The following KCNN1 variants were observed in gnomAD, a reference collection of about 807,000 sequenced individuals.
The protein encoded by KCNN1 is potassium calcium-activated channel subfamily N member 1.
In KCNN1, 20 loss-of-function variants were observed where a neutral mutation model predicts 44.7. The ratio of observed to expected loss-of-function variants is 0.45; its 90% CI spans 0.32 to 0.65. The LOEUF is 0.65. KCNN1 is among the 30% of genes least tolerant of loss of function. The pLI is 0.05. For missense variants in KCNN1, 632 were observed against 785.3 expected (o/e 0.80, Z 2.33); for synonymous variants, 324 against 341.7 (o/e 0.95, Z 0.57).
chr19:17,978,940 G>T (rs1311301692), intron 3 of KCNN1, among the ~76,000 whole-genome samples: 1 of 151,626 alleles, frequency 6.6e-6, no homozygotes, highest in Non-Finnish European at 1.5e-5. Flanking sequence ...CACATCTGTA[G>T]TTCCAGCTAC....
chr19:17,965,967 T>G (rs2145910587), upstream of KCNN1, among the ~76,000 whole-genome samples: 1 of 152,164 alleles, frequency 6.6e-6, no homozygotes, highest in South Asian at 2.1e-4. Flanking sequence ...ACCGCCACCC[T>G]CAGCCCATGC....
intron 1 of KCNN1, among the ~76,000 whole-genome samples, chr19:17,951,629 G>A (rs983835977): frequency 7.2e-5 from 11 of 152,080 alleles, no homozygotes; most frequent in Non-Finnish European, 2.9e-5. Context: ...CGCGCAGGTT[G>A]GGGGGAGGGT....
upstream of KCNN1, among the ~76,000 whole-genome samples, chr19:17,963,727 T>C (rs1273761386): frequency 1.0e-5 from 1 of 95,500 alleles, no homozygotes; most frequent in Non-Finnish European, 2.3e-5. Context: ...TTCTGATACT[T>C]TTTTTTTTTT....
intron 4 of KCNN1, chr19:17,982,483 GGAT>G: frequency 1.1e-6 from 1 of 902,478 alleles, no homozygotes; most frequent in Non-Finnish European, 1.3e-6. Flanking sequence ...GCAGGCACAG[GGAT>G]GCCTCCCCGT....
intron 1 of KCNN1, among the ~76,000 whole-genome samples, chr19:17,952,775 C>A (rs974111978): frequency 6.6e-6 from 1 of 152,132 alleles, no homozygotes; most frequent in Non-Finnish European, 1.5e-5. Flanking sequence ...AGGAGGGAAC[C>A]CCCCACCTGC....
intron 5 of KCNN1, among the ~76,000 whole-genome samples, chr19:17,987,918 G>A (rs545367355): frequency 1.3e-5 from 2 of 151,200 alleles, no homozygotes; most frequent in Non-Finnish European, 2.9e-5. Flanking sequence ...CAAGGCGGGT[G>A]GATCACCTGT....
intron 5 of KCNN1, among the ~76,000 whole-genome samples, chr19:17,987,447 C>T (rs2032638499): frequency 6.6e-6 from 1 of 152,134 alleles, no homozygotes; most frequent in African/African-American, 2.4e-5. Flanking sequence ...GCATGGGTCC[C>T]TCCCTGTAGC....
intron 6 of KCNN1, among the ~76,000 whole-genome samples, chr19:17,989,069 A>G (rs527319233): frequency 6.6e-6 from 1 of 152,252 alleles, no homozygotes; most frequent in South Asian, 2.1e-4. Context: ...GCAATTTGAG[A>G]GCTGCCTGAC....
chr19:17,964,572 C>T (rs1360186008), upstream of KCNN1, among the ~76,000 whole-genome samples: 2 of 152,232 alleles, frequency 1.3e-5, no homozygotes, highest in African/African-American at 4.8e-5. The surrounding 1 kb of genome is among the most constrained non-coding windows in gnomAD (Gnocchi z 4.3). Context: ...CACTTGCAGG[C>T]TTCTTGGGTC....
chr19:17,961,580 TTCTTTC>T (rs2031679625), intron 2 of KCNN1, among the ~76,000 whole-genome samples: 7 of 73,962 alleles, frequency 9.5e-5, no homozygotes, highest in Non-Finnish European at 1.7e-4. Context: ...CTTTCTTTCT[TTCTTTC>T]TTTTTTTTTT....
At chr19:17,961,888 C>CA (rs961665465) in intron 2 of KCNN1, among the ~76,000 whole-genome samples, 2 of 151,750 alleles carry the variant, frequency 1.3e-5, no homozygotes, top group Non-Finnish European at 2.9e-5. Flanking sequence ...TGAGCCTGGC[C>CA]AAAAAAACCC....
chr19:17,961,444 C>T lies in KCNN1; in HGVS notation c.-82+6763C>T, dbSNP rs111704783. On this transcript the variant is annotated intron_variant, in intron 2 of 10. Coordinates refer to the KCNN1 transcript ENST00000222249. ...AAAACAAAAAGAAAAGAAAAAGAAA[C>T]AGGAGAATCTCTTAAGCCCAAGAGA... 8.6e-5 allele frequency among the ~76,000 whole-genome samples: 13 copies of T among 151,978 alleles called. 1 individual carries two copies. Among genetic ancestry groups the T allele is most frequent in the African/African-American group, 3.1e-4 (13 of 41,476 alleles).
At chr19:17,966,986 G>C (rs2031830555), upstream of KCNN1, 1 of 296,002 alleles carries the variant, frequency 3.4e-6, no homozygotes, top group Non-Finnish European at 5.0e-6. Context: ...GGGCGCCGGG[G>C]AATGTGGGAT....
intron 2 of KCNN1, among the ~76,000 whole-genome samples, chr19:17,958,929 T>C (rs983439491): frequency 1.5e-4 from 23 of 151,636 alleles, no homozygotes; most frequent in African/African-American, 5.1e-4. Context: ...CTCGATATCC[T>C]GACTTCGTGA....
chr19:17,953,849 G>A (rs1437874879), intron 1 of KCNN1, among the ~76,000 whole-genome samples: 2 of 152,212 alleles, frequency 1.3e-5, no homozygotes, highest in East Asian at 3.8e-4. Flanking sequence ...AGGATCGCTT[G>A]AGCCCGGGAA....
In KCNN1 at chr19:17,981,862, G is replaced by A; in HGVS notation, c.652G>A (p.Ala218Thr). Residue 218 changes from alanine (A) to threonine (T), a missense_variant, in exon 4 of 10, where the codon GCG becomes ACG. Transcript: ENST00000684775. ...GACGGCGCGGCTGGCCTTCACGTAC[G>A]CGCCCTCGGTGGCCGAGGCCGACGT... ...TWTARLAFTY[A>T]PSVAEADVDV... 7.4e-6 allele frequency: 12 copies of A among 1,612,552 alleles called. No individual in the cohort carries two copies. The highest frequency in any genetic ancestry group is 1.0e-5 in the Non-Finnish European group (12 of 1,179,248).
In KCNN1 at chr19:17,998,559, A is replaced by G. The variant is rs1214842180; in HGVS notation, c.*153A>G. ...CCTGCCCCGCCCAGACTGCCCAGGCAGAGGGCAGGGCTGGACCATGGGTGA... is the reference window on the plus strand; with the variant it reads ...CCTGCCCCGCCCAGACTGCCCAGGCGGAGGGCAGGGCTGGACCATGGGTGA... On this transcript the variant is annotated 3_prime_UTR_variant, in exon 10 of 10. Transcript: ENST00000684775. The surrounding 1 kb of genome is among the most constrained non-coding windows in gnomAD (Gnocchi z 5.4). 6 of 808,380 alleles carry G rather than the reference A, an allele frequency of 7.4e-6. No homozygotes were observed. In the East Asian group the frequency reaches 1.4e-4, roughly 19 times the overall value. The allele number at this position is 808,380 out of a possible 1,614,324, so 50.1% of individuals were successfully genotyped here.
intron 5 of KCNN1, 51 bp from the exon 6 acceptor site, chr19:17,988,364 G>A (rs895903883): frequency 1.4e-6 from 2 of 1,470,416 alleles, no homozygotes; most frequent in African/African-American, 2.8e-5. Flanking sequence ...CCTGGAGGAG[G>A]GAGTGACCTC....
intron 1 of KCNN1, among the ~76,000 whole-genome samples, chr19:17,968,818 A>G (rs2031912167): frequency 6.6e-6 from 1 of 152,110 alleles, no homozygotes; most frequent in Admixed American, 6.5e-5. Flanking sequence ...AGTAAAAGTA[A>G]GGCAATATCA....
Sources: gnomAD v4.1 joint callset for allele counts (sites outside exome capture counted in the v4.1 genomes callset) on GRCh38, gnomAD v4.1.1 for gene constraint, Gnocchi (gnomAD v3.1) non-coding constraint, MANE v1.5 for transcripts, NCBI Gene and HGNC (gene_info 2026-07-23, HGNC 2026-07-21) for gene names.